The following CLSTN2 variants were observed in gnomAD, a reference collection of about 807,000 sequenced individuals.
The protein encoded by CLSTN2 is calsyntenin 2.
CLSTN2 carries 48 observed loss-of-function variants against 101.2 expected under a neutral mutation model. The observed-to-expected ratio is 0.47, with a 90% CI of 0.38 to 0.60. The LOEUF (loss-of-function observed/expected upper bound fraction) is 0.60, where lower values mean the gene tolerates loss of function less well. CLSTN2 is among the 20% of genes least tolerant of loss of function. CLSTN2 has a pLI of 0.00. For synonymous variants in CLSTN2, 481 were observed against 463.6 expected, an observed-to-expected ratio of 1.04 and a Z score of -0.48; for missense variants, 1,160 against 1,238.2, an observed-to-expected ratio of 0.94 and a Z score of 0.95.
chr3:140,184,386 G>A (rs1217786196), intron 2 of CLSTN2, among the ~76,000 whole-genome samples: 2 of 152,150 alleles, frequency 1.3e-5, no homozygotes, highest in Admixed American at 1.3e-4. Context: ...GGCAGAAGGG[G>A]AAGCAGACAT....
At chr3:140,036,008 C>G (rs993543264) in intron 1 of CLSTN2, among the ~76,000 whole-genome samples, 4 of 152,228 alleles carry the variant, frequency 2.6e-5, no homozygotes, top group African/African-American at 9.6e-5. Flanking sequence ...CATGAGCTCA[C>G]AAAGTAGCCT....
Position 140,433,107 on chromosome 3 carries a change from C to A in CLSTN2, c.787+11833C>A, listed in dbSNP as rs114687291. 2.9e-3 allele frequency among the ~76,000 whole-genome samples: 435 copies of A among 152,286 alleles called. 3 individuals are homozygous for A. Among genetic ancestry groups the A allele is most frequent in the South Asian group, 0.011 (52 of 4,822 alleles). On this transcript the variant is annotated intron_variant, in intron 5 of 16. Coordinates refer to ENST00000458420, the MANE Select transcript of CLSTN2 (RefSeq NM_022131.3). ...TCAAAGGAAAGAAGAACACTGCCAT[C>A]TTTTGAGGCCATTGGAGGAAAGCTA...
intron 2 of CLSTN2, among the ~76,000 whole-genome samples, chr3:140,218,890 G>A (rs181593170): frequency 1.2e-3 from 187 of 152,286 alleles, no homozygotes; most frequent in African/African-American, 4.3e-3. Flanking sequence ...GTCATGTGAG[G>A]CAGGATTAAA....
intron 2 of CLSTN2, among the ~76,000 whole-genome samples, chr3:140,246,191 A>T (rs942673804): frequency 6.6e-6 from 1 of 152,208 alleles, no homozygotes; most frequent in African/African-American, 2.4e-5. Flanking sequence ...TGCCTATCAG[A>T]TGAAAGTTGA....
chr3:140,433,559 G>T (rs558208977), intron 5 of CLSTN2, among the ~76,000 whole-genome samples: 2 of 152,300 alleles, frequency 1.3e-5, no homozygotes, highest in Admixed American at 6.5e-5. Context: ...GTCAGCAGAG[G>T]ATACAGCTTC....
intron 8 of CLSTN2, among the ~76,000 whole-genome samples, chr3:140,516,377 A>G (rs1448974433): frequency 1.3e-5 from 2 of 152,014 alleles, no homozygotes; most frequent in South Asian, 4.1e-4. Flanking sequence ...TCATTCTGCT[A>G]TTTGTTGCCT....
At chr3:140,439,263 T>C (rs2088732975) in intron 5 of CLSTN2, among the ~76,000 whole-genome samples, 1 of 152,202 alleles carries the variant, frequency 6.6e-6, no homozygotes, top group Non-Finnish European at 1.5e-5. Context: ...CCTTAACTAG[T>C]GGCACCAGTT....
At chr3:140,123,739 C>T (rs1378643330) in intron 1 of CLSTN2, among the ~76,000 whole-genome samples, 1 of 151,958 alleles carries the variant, frequency 6.6e-6, no homozygotes, top group Non-Finnish European at 1.5e-5. Context: ...GGATGTTTGC[C>T]TTCTTGCTGT....
At chr3:140,273,810 A>G (rs1021576943) in intron 2 of CLSTN2, among the ~76,000 whole-genome samples, 3 of 152,230 alleles carry the variant, frequency 2.0e-5, no homozygotes, top group Non-Finnish European at 1.5e-5. Flanking sequence ...ATTTAGTCAT[A>G]GGAAGGCACT....
At chr3:140,115,744 A>G (rs557369921) in intron 1 of CLSTN2, among the ~76,000 whole-genome samples, 2 of 152,184 alleles carry the variant, frequency 1.3e-5, no homozygotes, top group Admixed American at 6.5e-5. Context: ...TTGAAACTTT[A>G]AGGAAGTCTT....
At chr3:140,108,032 G>A (rs76355813) in intron 1 of CLSTN2, among the ~76,000 whole-genome samples, 4,485 of 152,218 alleles carry the variant, frequency 0.029, 201 homozygotes, top group African/African-American at 0.1. Flanking sequence ...GTTGATAAGG[G>A]ACACCCTCAA....
intron 2 of CLSTN2, among the ~76,000 whole-genome samples, chr3:140,315,196 G>A (rs767758596): frequency 2.0e-5 from 3 of 152,172 alleles, no homozygotes; most frequent in Non-Finnish European, 4.4e-5. Context: ...AACCAGATTC[G>A]GAAGCTGTGG....
chr3:140,508,665 C>T (rs1242220021), intron 8 of CLSTN2: 1 of 152,222 alleles, frequency 6.6e-6, no homozygotes, highest in Non-Finnish European at 1.5e-5. Context: ...AAATTTAAGA[C>T]AGGTGCTTCC....
At chr3:139,998,491 C>T (rs1015505956) in intron 1 of CLSTN2, among the ~76,000 whole-genome samples, 4 of 151,442 alleles carry the variant, frequency 2.6e-5, no homozygotes, top group Admixed American at 1.3e-4. Flanking sequence ...CACAGGCGCC[C>T]GCCACCACGC....
intron 2 of CLSTN2, among the ~76,000 whole-genome samples, chr3:140,304,861 C>A (rs1450879517): frequency 6.6e-6 from 1 of 152,168 alleles, no homozygotes; most frequent in East Asian, 1.9e-4. Context: ...TGCTCAACCT[C>A]TTCTCCTCAA....
intron 2 of CLSTN2, among the ~76,000 whole-genome samples, chr3:140,372,791 T>C (rs1366144401): frequency 2.0e-5 from 3 of 152,146 alleles, no homozygotes; most frequent in African/African-American, 4.8e-5. Flanking sequence ...ACAGTGCAAA[T>C]GAGTATACTA....
At chr3:140,235,039 T>C (rs1046976523) in intron 2 of CLSTN2, among the ~76,000 whole-genome samples, 3 of 152,194 alleles carry the variant, frequency 2.0e-5, no homozygotes, top group Admixed American at 2.0e-4. Context: ...TTTATTTAGC[T>C]GTGTCATTCA....
rs190393874 is a variant in CLSTN2 at position 139,945,463 on chromosome 3, C to T, written c.109+9980C>T. Among the ~76,000 whole-genome samples the T allele has an allele frequency of 1.8e-4, 28 of 152,318 alleles. No individual in the cohort carries two copies. The East Asian group carries it at 5.0e-3, about 27-fold the overall frequency. ...GCTTAAACCCCAAAACAAAACTCTA[C>T]GTCTTTCTTTCTTTATACTGTCTTA... On this transcript the variant is annotated intron_variant, in intron 1 of 16. Coordinates refer to ENST00000458420, the MANE Select transcript of CLSTN2 (RefSeq NM_022131.3).
intron 1 of CLSTN2, among the ~76,000 whole-genome samples, chr3:140,135,117 C>CATATATATATATAT (rs66931848): frequency 6.9e-5 from 4 of 58,116 alleles, no homozygotes; most frequent in African/African-American, 1.7e-4. Flanking sequence ...CACACACACA[C>CATATATATATATAT]ATATATATAT....
Sources: allele counts gnomAD v4.1 joint callset (sites outside exome capture counted in the v4.1 genomes callset), GRCh38; gene constraint gnomAD v4.1.1; transcripts MANE v1.5; gene names NCBI Gene and HGNC (gene_info 2026-07-23, HGNC 2026-07-21).